The following ARHGAP32 variants were observed in gnomAD, a reference collection of about 807,000 sequenced individuals.
The protein encoded by ARHGAP32 is Rho GTPase activating protein 32, also known as rho GTPase-activating protein 32.
In ARHGAP32, 51 loss-of-function variants were observed where a neutral mutation model predicts 186.5. That is an observed-to-expected ratio of 0.27 (90% CI 0.22 to 0.35). The LOEUF is 0.35. Ranked by LOEUF, ARHGAP32 falls within the 10% of genes least tolerant of loss-of-function variation. ARHGAP32 has a pLI of 1.00. For synonymous variants in ARHGAP32, 950 were observed against 964.3 expected (o/e 0.99, Z 0.27); for missense variants, 2,186 against 2,623.5 (o/e 0.83, Z 3.64).
At position 128,969,413 on chromosome 11, in the gene ARHGAP32, A is replaced by G. The variant is rs1945294580; in HGVS notation, c.5800T>C (p.Tyr1934His). 4 of 1,614,194 alleles carry G rather than the reference A, an allele frequency of 2.5e-6. No homozygotes were observed. The highest frequency in any genetic ancestry group is 3.4e-6 in the Non-Finnish European group (4 of 1,180,040). ...GCATATTTTACTCCAGAGTTGTGGT[A>G]GCTGACTGGCTCAGAAGTGTCTGGA... Reference protein sequence around the residue: ...GIPDTSEPVSYHNSGVKYAAS... With the variant: ...GIPDTSEPVSHHNSGVKYAAS... Residue 1934 changes from tyrosine to histidine, a missense_variant, in exon 23 of 23, where the codon TAC (tyrosine) becomes CAC (histidine). By Grantham distance (83) the Tyr-to-His change is moderately conservative. Around this residue, in one of 5 missense-constraint regions of ARHGAP32, gnomAD observed 1,502 missense variants for 1,570.0 expected, o/e 0.96. Transcript: ENST00000682385. This position sits in a 1 kb window ranked among gnomAD's most constrained non-coding sequence, Gnocchi z 4.8.
intron 1 of ARHGAP32, among the ~76,000 whole-genome samples, chr11:129,250,067 A>C (rs1283630306): frequency 6.6e-6 from 1 of 151,968 alleles, no homozygotes; most frequent in Non-Finnish European, 1.5e-5. Flanking sequence ...AAAAAAATTA[A>C]TTAGCTGGGT....
Position 129,192,206 on chromosome 11 carries a change from T to C in ARHGAP32, c.-8A>G, listed in dbSNP as rs1432220583. ...CTCACTTTCAGTCTCCATCTTGTAC[T>C]TAAAAAACAAAAAAAACTAAACCTC... On this transcript the variant is annotated 5_prime_UTR_variant, in exon 1 of 23. An upstream open reading frame in the 5' UTR loses its in-frame stop. Coordinates refer to ENST00000682385, the MANE Select transcript of ARHGAP32 (RefSeq NM_001378024.1). 4.4e-6 allele frequency: 7 copies of C among 1,602,160 alleles called. No individual in the cohort carries two copies. The highest frequency in any genetic ancestry group is 6.0e-6 in the Non-Finnish European group (7 of 1,171,620).
intron 11 of ARHGAP32, among the ~76,000 whole-genome samples, chr11:129,005,350 T>C (rs1937706584): frequency 6.6e-6 from 1 of 152,214 alleles, no homozygotes; most frequent in African/African-American, 2.4e-5. Flanking sequence ...CCAGTGAGTT[T>C]TGTATCTTCA....
chr11:129,110,659 T>C (rs1213789273), intron 5 of ARHGAP32, among the ~76,000 whole-genome samples: 19 of 152,178 alleles, frequency 1.2e-4, no homozygotes, highest in Admixed American at 1.2e-3. Flanking sequence ...TTCACCTTCT[T>C]GGTTAAATTT....
upstream of ARHGAP32, among the ~76,000 whole-genome samples, chr11:129,197,154 C>T (rs1424216052): frequency 6.6e-6 from 1 of 152,218 alleles, no homozygotes; most frequent in Non-Finnish European, 1.5e-5. Flanking sequence ...TTTTGGTCCA[C>T]ATTCCACTTA....
At chr11:129,039,796 G>C (rs927264890) in intron 11 of ARHGAP32, among the ~76,000 whole-genome samples, 4 of 152,136 alleles carry the variant, frequency 2.6e-5, no homozygotes, top group Non-Finnish European at 4.4e-5. Context: ...TACGAATGAA[G>C]ATTTACCAAA....
chr11:129,183,776 T>A (rs1324611970), intron 1 of ARHGAP32, among the ~76,000 whole-genome samples: 1 of 151,970 alleles, frequency 6.6e-6, no homozygotes. Context: ...ACCCACCAAA[T>A]TGCATGAAAG....
Position 128,974,340 on chromosome 11 carries a change from A to G in ARHGAP32, c.2857T>C (p.Trp953Arg). Residue 953 changes from tryptophan to arginine, a missense_variant, in exon 21 of 23, where the codon TGG becomes CGG. Physicochemically the swap from Trp to Arg is moderately radical, Grantham distance 101 (BLOSUM62 -3). Coordinates refer to ENST00000682385, the MANE Select transcript of ARHGAP32 (RefSeq NM_001378024.1). ...TCCCTTTCTTCAACGCATTTGTCCC[A>G]GGTTGAAGATGATGCATTCTGAGCT... Reference protein sequence around the residue: ...TTAQNASSSTWDKCVEERDAT... With the variant: ...TTAQNASSSTRDKCVEERDAT... 1 of 1,614,174 alleles carries G rather than the reference A, an allele frequency of 6.2e-7. No homozygotes were observed. Among genetic ancestry groups the G allele is most frequent in the East Asian group, 2.2e-5 (1 of 44,878 alleles).
intron 6 of ARHGAP32, among the ~76,000 whole-genome samples, chr11:129,092,723 T>A (rs925020331): frequency 1.3e-5 from 2 of 151,994 alleles, no homozygotes; most frequent in African/African-American, 4.8e-5. Context: ...CTTCAGTATA[T>A]CACACACGAT....
chr11:129,058,215 ACACACACT>A (rs1380742439), intron 10 of ARHGAP32, among the ~76,000 whole-genome samples: 204 of 109,628 alleles, frequency 1.9e-3, no homozygotes, highest in African/African-American at 6.3e-3. Context: ...ACACACACAC[ACACACACT>A]CTCTCTCTCT....
chr11:129,258,185 T>C (rs987536342), intron 1 of ARHGAP32, among the ~76,000 whole-genome samples: 2 of 152,172 alleles, frequency 1.3e-5, no homozygotes, highest in Non-Finnish European at 2.9e-5. Flanking sequence ...TTTTTCTCTA[T>C]TAAACAACTA....
intron 1 of ARHGAP32, among the ~76,000 whole-genome samples, chr11:129,225,795 T>A (rs1944773103): frequency 6.6e-6 from 1 of 152,158 alleles, no homozygotes; most frequent in Non-Finnish European, 1.5e-5. Flanking sequence ...GAAACCCAGA[T>A]GTTGGCTGTA....
chr11:129,193,679 A>G (rs1461700691), upstream of ARHGAP32, among the ~76,000 whole-genome samples: 1 of 47,876 alleles, frequency 2.1e-5, no homozygotes, highest in African/African-American at 8.2e-5. Context: ...TATATAATAT[A>G]TAATATATAT....
At chr11:129,086,703 C>T (rs550529219) in intron 6 of ARHGAP32, among the ~76,000 whole-genome samples, 3 of 151,890 alleles carry the variant, frequency 2.0e-5, no homozygotes, top group East Asian at 3.9e-4. Flanking sequence ...CGCCTGTAGT[C>T]CCAGCTACTC....
At chr11:129,227,542 T>C (rs1026219141) in intron 1 of ARHGAP32, among the ~76,000 whole-genome samples, 16 of 149,328 alleles carry the variant, frequency 1.1e-4, no homozygotes, top group African/African-American at 3.7e-4. Context: ...ACTTTAAATA[T>C]AAAGACATGA....
intron 2 of ARHGAP32, among the ~76,000 whole-genome samples, chr11:129,150,633 G>A (rs140809663): frequency 1.2e-3 from 176 of 152,194 alleles, no homozygotes; most frequent in African/African-American, 3.9e-3. Context: ...CATAAAAGAA[G>A]GAGAGATAAA....
chr11:129,257,678 C>A (rs1294983799), intron 1 of ARHGAP32, among the ~76,000 whole-genome samples: 1 of 142,020 alleles, frequency 7.0e-6, no homozygotes, highest in Non-Finnish European at 1.5e-5. Flanking sequence ...ATACTCAGTT[C>A]TTAGAAGCAG....
At chr11:128,996,707 G>GT (rs1365732670) in intron 12 of ARHGAP32, among the ~76,000 whole-genome samples, 1 of 152,000 alleles carries the variant, frequency 6.6e-6, no homozygotes, top group Non-Finnish European at 1.5e-5. Flanking sequence ...CTTATGTACA[G>GT]TAAGAACTAT....
chr11:129,136,954 A>G (rs1388580708), intron 2 of ARHGAP32, among the ~76,000 whole-genome samples: 1 of 152,042 alleles, frequency 6.6e-6, no homozygotes, highest in African/African-American at 2.4e-5. Flanking sequence ...ATGCATCCAT[A>G]AGTATAAGGT....
Sources: allele counts gnomAD v4.1 joint callset (sites outside exome capture counted in the v4.1 genomes callset), GRCh38; gene constraint gnomAD v4.1.1; regional missense constraint gnomAD v4.1.1; non-coding constraint Gnocchi (gnomAD v3.1); transcripts MANE v1.5; gene names NCBI Gene and HGNC (gene_info 2026-07-23, HGNC 2026-07-21).